KRTAP10-3: variants seen among roughly 807,000 people sequenced by gnomAD.
The protein encoded by KRTAP10-3 is keratin associated protein 10-3.
For synonymous variants in KRTAP10-3, 151 were observed against 126.2 expected, an observed-to-expected ratio of 1.20 and a Z score of -1.32; for missense variants, 341 against 293.4, an observed-to-expected ratio of 1.16 and a Z score of -1.19.
chr21:44,558,033 G>A lies in KRTAP10-3; in HGVS notation c.*17C>T. On this transcript the variant is annotated 3_prime_UTR_variant, in exon 1 of 1. Transcript: ENST00000391620. ...GAGATGGCCCTGGAACAACTCTGGAGAAACGGGACCTGCCCGTCAGCAGCT... is the reference window on the plus strand; with the variant it reads ...GAGATGGCCCTGGAACAACTCTGGAAAAACGGGACCTGCCCGTCAGCAGCT... The A allele has an allele frequency of 6.3e-7, 1 of 1,589,854 alleles. No homozygotes were observed. Among genetic ancestry groups the A allele is most frequent in the East Asian group, 2.2e-5 (1 of 44,762 alleles).
Position 44,558,179 on chromosome 21 carries a change from G to A in KRTAP10-3, c.537C>T (p.Ala179=), listed in dbSNP as rs781828587. 3 of 1,548,314 alleles carry A rather than the reference G, an allele frequency of 1.9e-6. No individual in the cohort carries two copies. The highest frequency in any genetic ancestry group is 2.6e-6 in the Non-Finnish European group (3 of 1,135,912). Residue 179 remains alanine (A), a synonymous_variant, in exon 1 of 1, where the codon GCC becomes GCT. Coordinates refer to ENST00000391620, the MANE Select transcript of KRTAP10-3 (RefSeq NM_198696.3). ...TCCVPIPSCC[A]PASTCQPSCC... Reference sequence around the variant, plus strand: ...AGCTGGGCTGGCAGGTGGAGGCAGGGGCACAGCAGGAGGGGATGGGCACAC... The same window carrying A: ...AGCTGGGCTGGCAGGTGGAGGCAGGAGCACAGCAGGAGGGGATGGGCACAC...
rs781853523 is a variant in KRTAP10-3 at position 44,558,356 on chromosome 21, G to A, written c.360C>T (p.Cys120=). The change falls in exon 1 of 1, where the codon TGC becomes TGT. Residue 120 remains cysteine, a synonymous_variant. Transcript: ENST00000391620. ...CVPVCCKPVC[C]KPICCVPVCS... is the part of the protein sequence containing the mutation. The stretch of plus-strand genomic sequence containing the variant: ...AGACGGGCACACAGCAGATGGGCTT[G>A]CAGCAGACAGGCTTGCAGCAGACGG... The A allele has an allele frequency of 9.3e-6, 15 of 1,612,714 alleles. No individual in the cohort carries two copies. The African/African-American group carries it at 2.0e-4, about 22-fold the overall frequency.
Position 44,558,333 on chromosome 21 carries a change from A to T in KRTAP10-3, c.383T>A (p.Val128Asp), listed in dbSNP as rs1555920302. ...GCATGAAGAGGAAGCCCCAGAGCAG[A>T]CGGGCACACAGCAGATGGGCTTGCA... ...VCCKPICCVP[V>D]CSGASSSCCQ... is the part of the protein sequence containing the mutation. Residue 128 changes from valine (V) to aspartate (D), a missense_variant, in exon 1 of 1, where the codon GTC becomes GAC. Coordinates refer to ENST00000391620, the MANE Select transcript of KRTAP10-3 (RefSeq NM_198696.3). 2 of 1,613,406 alleles carry T rather than the reference A, an allele frequency of 1.2e-6. No homozygotes were observed. Among genetic ancestry groups the T allele is most frequent in the South Asian group, 2.2e-5 (2 of 91,018 alleles).
At position 44,558,001 on chromosome 21, in the gene KRTAP10-3, G is replaced by A; in HGVS notation, c.*49C>T. ...GGGCTCAGGGCTGCAAGGATTTTCG[G>A]AAGTCAGAGATGGCCCTGGAACAAC... On this transcript the variant is annotated 3_prime_UTR_variant, in exon 1 of 1. Transcript: ENST00000391620. 6.4e-7 allele frequency: 1 copy of A among 1,564,938 alleles called. No homozygotes were observed.
In KRTAP10-3 at chr21:44,557,802, G is replaced by A; in HGVS notation, c.*248C>T. On this transcript the variant is annotated 3_prime_UTR_variant, in exon 1 of 1. Transcript: ENST00000391620. Reference sequence around the variant, plus strand: ...AAAAGACCTCTGAGAGGGCACATTGGTGACTTTATTTGTTGACAGACTGAT... The same window carrying A: ...AAAAGACCTCTGAGAGGGCACATTGATGACTTTATTTGTTGACAGACTGAT... The A allele has an allele frequency of 1.8e-6, 1 of 560,462 alleles. No individual in the cohort carries two copies. Among genetic ancestry groups the A allele is most frequent in the East Asian group, 2.9e-5 (1 of 34,902 alleles). The allele number at this position is 560,462 out of a possible 1,614,324, so 34.7% of individuals were successfully genotyped here. A position where few individuals can be genotyped will look rare whatever the true frequency, so the allele number is the denominator to read the frequency against.
rs1318218147 is a variant in KRTAP10-3 at position 44,557,933 on chromosome 21, C to T, written c.*117G>A. On this transcript the variant is annotated 3_prime_UTR_variant, in exon 1 of 1. Transcript: ENST00000391620. ...GAATCGGCATGAAAGCTCAGCATTG[C>T]TGGCTGGAGGTGCAGTGGCTATGGG... 3 of 1,213,026 alleles carry T rather than the reference C, an allele frequency of 2.5e-6. No individual in the cohort carries two copies. Among genetic ancestry groups the T allele is most frequent in the Non-Finnish European group, 3.4e-6 (3 of 872,006 alleles). 75.1% of individuals were successfully genotyped at this position (1,213,026 alleles called of 1,614,324 possible). A position where few individuals can be genotyped will look rare whatever the true frequency, so the allele number is the denominator to read the frequency against.
At position 44,558,743 on chromosome 21, in the gene KRTAP10-3, G is replaced by T; in HGVS notation, c.-28C>A. The T allele has an allele frequency of 6.3e-7, 1 of 1,574,828 alleles. No individual in the cohort carries two copies. Reference sequence around the variant, plus strand: ...TGGGGTGGGGAGGAGGTGAGCTGGGGGAGACGTGAGTGAGTGAGTGTGGGA... The same window carrying T: ...TGGGGTGGGGAGGAGGTGAGCTGGGTGAGACGTGAGTGAGTGAGTGTGGGA... On this transcript the variant is annotated 5_prime_UTR_variant, in exon 1 of 1. Coordinates refer to ENST00000391620, the MANE Select transcript of KRTAP10-3 (RefSeq NM_198696.3).
chr21:44,557,957 G>A lies in KRTAP10-3; in HGVS notation c.*93C>T, dbSNP rs1163732199. ...GCTGGCTGGAGGTGCAGTGGCTATG[G>A]GCAGAGGAGACTCAGACAGGGCTCA... On this transcript the variant is annotated 3_prime_UTR_variant, in exon 1 of 1. Coordinates refer to ENST00000391620, the MANE Select transcript of KRTAP10-3 (RefSeq NM_198696.3). 4.9e-6 allele frequency: 7 copies of A among 1,429,490 alleles called. No individual in the cohort carries two copies. The South Asian group carries it at 5.3e-5, about 11-fold the overall frequency. The allele number at this position is 1,429,490 out of a possible 1,614,324, so 88.6% of individuals were successfully genotyped here. A position where few individuals can be genotyped will look rare whatever the true frequency, so the allele number is the denominator to read the frequency against.
rs1555920309 is a variant in KRTAP10-3, at chr21:44,558,348, A to G, written c.368T>C (p.Ile123Thr). Residue 123 changes from isoleucine (I) to threonine (T), a missense_variant, in exon 1 of 1, where the codon ATC becomes ACC. Ile to Thr is a moderately conservative substitution (Grantham distance 89). Transcript: ENST00000391620. ...VCCKPVCCKP[I>T]CCVPVCSGAS... ...CCCAGAGCAGACGGGCACACAGCAG[A>G]TGGGCTTGCAGCAGACAGGCTTGCA... The G allele has an allele frequency of 6.2e-7, 1 of 1,613,338 alleles. No individual in the cohort carries two copies. The highest frequency in any genetic ancestry group is 1.7e-5 in the Admixed American group (1 of 59,968).
At position 44,558,778 on chromosome 21, in the gene KRTAP10-3, G is replaced by A; in HGVS notation, c.-63C>T. 3 of 1,543,518 alleles carry A rather than the reference G, an allele frequency of 1.9e-6. No individual in the cohort carries two copies. The highest frequency in any genetic ancestry group is 1.8e-6 in the Non-Finnish European group (2 of 1,141,436). On this transcript the variant is annotated 5_prime_UTR_variant, in exon 1 of 1. Transcript: ENST00000391620. ...GTGAGTGAGTGTGGGAGTGAGTGAG[G>A]GAGTGAGTGAGTGATCGTGCCAGGC...
chr21:44,558,225 G>C lies in KRTAP10-3; in HGVS notation c.491C>G (p.Pro164Arg), dbSNP rs782762881. The part of the protein sequence containing the change: ...PSSSVSLLCR[P>R]VCRSTCCVPI... The stretch of plus-strand genomic sequence containing the variant: ...CACACAGCAGGTGGACCTGCACACG[G>C]GGCGGCAGAGGAGGGACACGGAGGA... The change falls in exon 1 of 1, where the codon CCC becomes CGC. Residue 164 changes from proline to arginine, a missense_variant. Pro to Arg is a moderately radical substitution (Grantham distance 103). Transcript: ENST00000391620. 1.2e-6 allele frequency: 2 copies of C among 1,613,206 alleles called. No homozygotes were observed. Among genetic ancestry groups the C allele is most frequent in the East Asian group, 2.2e-5 (1 of 44,868 alleles).
Position 44,558,675 on chromosome 21 carries a change from G to A in KRTAP10-3, c.41C>T (p.Ser14Phe). 1 of 1,613,064 alleles carries A rather than the reference G, an allele frequency of 6.2e-7. No homozygotes were observed. Among genetic ancestry groups the A allele is most frequent in the Non-Finnish European group, 8.5e-7 (1 of 1,179,652 alleles). Residue 14 changes from serine to phenylalanine, a missense_variant, in exon 1 of 1, where the codon TCT becomes TTT. Ser to Phe is a radical substitution (Grantham distance 155). Transcript: ENST00000391620. Reference protein sequence around the residue: ...STMSVCSSAYSDSWQVDACPE... With the variant: ...STMSVCSSAYFDSWQVDACPE... ...GCAGGCGTCCACCTGCCAGGAGTCA[G>A]AGTAAGCGCTGGAGCAGACGGACAT...
In KRTAP10-3 at chr21:44,558,122, G is replaced by A; in HGVS notation, c.594C>T (p.Leu198=). 6.2e-7 allele frequency: 1 copy of A among 1,612,960 alleles called. No individual in the cohort carries two copies. Among genetic ancestry groups the A allele is most frequent in the Non-Finnish European group, 8.5e-7 (1 of 1,179,442 alleles). ...AGAGGCGGGAGCACGTGGGGCGGCA[G>A]AGGAGGGACACGCAGGAGGCCGGGC... is the stretch of plus-strand genomic sequence containing the variant. ...CCRPASCVSL[L]CRPTCSRLSS... Residue 198 remains leucine (L), a synonymous_variant, in exon 1 of 1, where the codon CTC becomes CTT. Coordinates refer to ENST00000391620, the MANE Select transcript of KRTAP10-3 (RefSeq NM_198696.3).
rs200839483 is a variant in KRTAP10-3, at chr21:44,558,748, C to T, written c.-33G>A. On this transcript the variant is annotated 5_prime_UTR_variant, in exon 1 of 1. Coordinates refer to ENST00000391620, the MANE Select transcript of KRTAP10-3 (RefSeq NM_198696.3). ...TGGGGAGGAGGTGAGCTGGGGGAGA[C>T]GTGAGTGAGTGAGTGTGGGAGTGAG... The T allele has an allele frequency of 1.8e-4, 288 of 1,571,598 alleles. No homozygotes were observed. In the African/African-American group the frequency reaches 2.0e-3, roughly 11 times the overall value.
At position 44,558,369 on chromosome 21, in the gene KRTAP10-3, T is replaced by C; in HGVS notation, c.347A>G (p.Lys116Arg). 2 of 1,612,436 alleles carry C rather than the reference T, an allele frequency of 1.2e-6. No individual in the cohort carries two copies. Among genetic ancestry groups the C allele is most frequent in the Non-Finnish European group, 1.7e-6 (2 of 1,179,222 alleles). The change falls in exon 1 of 1, where the codon AAG becomes AGG. Residue 116 changes from lysine (K) to arginine (R), a missense_variant. By Grantham distance (26) the Lys-to-Arg change is conservative. Transcript: ENST00000391620. Reference sequence around the variant, plus strand: ...GCAGATGGGCTTGCAGCAGACAGGCTTGCAGCAGACGGGCACACAGCAGAC... The same window carrying C: ...GCAGATGGGCTTGCAGCAGACAGGCCTGCAGCAGACGGGCACACAGCAGAC... ...KPVCCVPVCC[K>R]PVCCKPICCV...
chr21:44,558,754 T>TGAGTGAGTGTGG lies in KRTAP10-3; in HGVS notation c.-51_-40dup. 3 of 1,568,190 alleles carry TGAGTGAGTGTGG rather than the reference T, an allele frequency of 1.9e-6. No individual in the cohort carries two copies. Among genetic ancestry groups the TGAGTGAGTGTGG allele is most frequent in the Non-Finnish European group, 2.6e-6 (3 of 1,156,850 alleles). On this transcript the variant is annotated 5_prime_UTR_variant, in exon 1 of 1. Transcript: ENST00000391620. ...GGAGGTGAGCTGGGGGAGACGTGAG[T>TGAGTGAGTGTGG]GAGTGAGTGTGGGAGTGAGTGAGGG... is the stretch of plus-strand genomic sequence containing the variant.
rs587721981 is a variant in KRTAP10-3, at chr21:44,558,124, G to A, written c.592C>T (p.Leu198Phe). The A allele has an allele frequency of 6.2e-6, 10 of 1,612,924 alleles. No homozygotes were observed. The highest frequency in any genetic ancestry group is 7.6e-6 in the Non-Finnish European group (9 of 1,179,474). Residue 198 changes from leucine (L) to phenylalanine (F), a missense_variant, in exon 1 of 1, where the codon CTC (leucine) becomes TTC (phenylalanine). Coordinates refer to ENST00000391620, the MANE Select transcript of KRTAP10-3 (RefSeq NM_198696.3). ...CCRPASCVSL[L>F]CRPTCSRLSS... ...AGGCGGGAGCACGTGGGGCGGCAGA[G>A]GAGGGACACGCAGGAGGCCGGGCGG...
chr21:44,558,167 G>A lies in KRTAP10-3; in HGVS notation c.549C>T (p.Thr183=), dbSNP rs782240018. The change falls in exon 1 of 1, where the codon ACC becomes ACT. Residue 183 remains threonine (T), a synonymous_variant. Coordinates refer to ENST00000391620, the MANE Select transcript of KRTAP10-3 (RefSeq NM_198696.3). The part of the protein sequence containing the change: ...PIPSCCAPAS[T]CQPSCCRPAS... ...CCGGGCGGCAGCAGCTGGGCTGGCA[G>A]GTGGAGGCAGGGGCACAGCAGGAGG... 6.2e-7 allele frequency: 1 copy of A among 1,611,492 alleles called. No individual in the cohort carries two copies. The highest frequency in any genetic ancestry group is 2.2e-5 in the East Asian group (1 of 44,710).
At position 44,558,413 on chromosome 21, in the gene KRTAP10-3, C is replaced by G; in HGVS notation, c.303G>C (p.Val101=). ...AGCAGACTGGCTTGCAGCAGACAGG[C>G]ACGCAGCAGGCCTGCTGGCAGGGGG... The part of the protein sequence containing the change: ...TSSPCQQACC[V]PVCCKPVCCV... Residue 101 remains valine, a synonymous_variant, in exon 1 of 1, where the codon GTG becomes GTC. Coordinates refer to ENST00000391620, the MANE Select transcript of KRTAP10-3 (RefSeq NM_198696.3). 6.2e-7 allele frequency: 1 copy of G among 1,613,922 alleles called. No homozygotes were observed. Among genetic ancestry groups the G allele is most frequent in the Non-Finnish European group, 8.5e-7 (1 of 1,179,878 alleles).
Sources: allele counts gnomAD v4.1 joint callset, GRCh38; gene constraint gnomAD v4.1.1; transcripts MANE v1.5; gene names NCBI Gene and HGNC (gene_info 2026-07-23, HGNC 2026-07-21).